The following NRF1 variants were observed in gnomAD, a reference collection of about 807,000 sequenced individuals.
The protein encoded by NRF1 is nuclear respiratory factor 1, also known as alpha palindromic-binding protein.
In NRF1, 5 loss-of-function variants were observed where a neutral mutation model predicts 58.5. The observed-to-expected ratio is 0.09, with a 90% confidence interval of 0.04 to 0.18. The LOEUF (loss-of-function observed/expected upper bound fraction) is 0.18, where lower values mean the gene tolerates loss of function less well. Among genes scored for constraint, NRF1 ranks in the 10% least tolerant of loss-of-function variants. The pLI is 1.00. For synonymous variants in NRF1, 224 were observed against 246.7 expected (o/e 0.91, Z 0.86); for missense variants, 288 against 657.7 (o/e 0.44, Z 6.15).
chr7:129,650,834 A>G (rs1801517608), intron 1 of NRF1, among the ~76,000 whole-genome samples: 1 of 152,112 alleles, frequency 6.6e-6, no homozygotes, highest in African/African-American at 2.4e-5. Context: ...TATAAAATAG[A>G]GAATATTTAA....
chr7:129,732,046 C>T (rs1455037171), intron 10 of NRF1, among the ~76,000 whole-genome samples: 4 of 152,202 alleles, frequency 2.6e-5, no homozygotes, highest in African/African-American at 9.6e-5. Flanking sequence ...CCAGAACCCC[C>T]TGTGTTCCAG....
intron 10 of NRF1, among the ~76,000 whole-genome samples, chr7:129,745,397 T>C (rs1803950636): frequency 6.6e-6 from 1 of 151,886 alleles, no homozygotes; most frequent in Non-Finnish European, 1.5e-5. Flanking sequence ...CCGCCCGAGC[T>C]CCACCTACTG....
chr7:129,657,219 C>A, intron 1 of NRF1, 127 bp from the exon 2 acceptor site: 1 of 657,088 alleles, frequency 1.5e-6, no homozygotes, highest in African/African-American at 1.8e-5. Flanking sequence ...CTTGGTGTGG[C>A]ACGGTAAGTA....
intron 3 of NRF1, among the ~76,000 whole-genome samples, chr7:129,673,567 A>C (rs1367275229): frequency 6.6e-6 from 1 of 151,828 alleles, no homozygotes; most frequent in Non-Finnish European, 1.5e-5. Context: ...AATACAAAAA[A>C]TTAGCCGGGC....
At chr7:129,679,573 C>T (rs1157561038) in intron 4 of NRF1, among the ~76,000 whole-genome samples, 2 of 143,006 alleles carry the variant, frequency 1.4e-5, no homozygotes, top group East Asian at 4.2e-4. Context: ...TACAAAAAAA[C>T]TTAGCCGGGC....
chr7:129,755,211 A>C lies in NRF1; in HGVS notation c.*30A>C, dbSNP rs367693210. ...CAGCCATATTATGGCATCGTTTTCT[A>C]GTCTACTTCAAAATTTTTTACACGT... On this transcript the variant is annotated 3_prime_UTR_variant, in exon 11 of 11. Coordinates refer to ENST00000393232, the MANE Select transcript of NRF1 (RefSeq NM_005011.5). The surrounding 1 kb of genome is among the most constrained non-coding windows in gnomAD (Gnocchi z 5.8). 1.4e-5 allele frequency: 22 copies of C among 1,523,466 alleles called. No homozygotes were observed. The highest frequency in any genetic ancestry group is 1.9e-5 in the Non-Finnish European group (22 of 1,132,888). 94.4% of individuals were successfully genotyped at this position (1,523,466 alleles called of 1,614,324 possible).
At chr7:129,616,464 G>T (rs556723314) in intron 1 of NRF1, among the ~76,000 whole-genome samples, 2 of 152,314 alleles carry the variant, frequency 1.3e-5, no homozygotes, top group Admixed American at 6.5e-5. Context: ...GCTGGGTATG[G>T]TGGCATATGC....
At chr7:129,625,713 G>C (rs935454331) in intron 1 of NRF1, among the ~76,000 whole-genome samples, 2 of 117,110 alleles carry the variant, frequency 1.7e-5, no homozygotes, top group Non-Finnish European at 3.2e-5. Flanking sequence ...ACGGAGTCTC[G>C]CTCTGTTGCC....
intron 1 of NRF1, among the ~76,000 whole-genome samples, chr7:129,640,544 G>A (rs1232544534): frequency 6.6e-6 from 1 of 152,018 alleles, no homozygotes; most frequent in East Asian, 1.9e-4. Flanking sequence ...CGTACCCCCA[G>A]TAAAACCCAA....
At chr7:129,669,085 C>T (rs2151082156) in intron 2 of NRF1, among the ~76,000 whole-genome samples, 1 of 152,190 alleles carries the variant, frequency 6.6e-6, no homozygotes, top group East Asian at 1.9e-4. Flanking sequence ...GTAGCTGGGA[C>T]TACAGAGGTG....
intron 10 of NRF1, among the ~76,000 whole-genome samples, chr7:129,740,874 T>C (rs961231253): frequency 1.3e-5 from 2 of 152,188 alleles, no homozygotes; most frequent in African/African-American, 4.8e-5. Flanking sequence ...AGATCAAAAG[T>C]AGACACAGAG....
intron 8 of NRF1, 78 bp from the exon 9 acceptor site, chr7:129,717,141 G>T: frequency 7.0e-7 from 1 of 1,422,268 alleles, no homozygotes; most frequent in Non-Finnish European, 9.5e-7. Context: ...CCAAAAAGTA[G>T]CAATTATTAG....
At chr7:129,668,254 C>T (rs1801966376) in intron 2 of NRF1, among the ~76,000 whole-genome samples, 1 of 152,104 alleles carries the variant, frequency 6.6e-6, no homozygotes. Context: ...TTTGATTTGT[C>T]TATCCCTGAG....
At chr7:129,676,230 G>A (rs1327057736) in intron 3 of NRF1, among the ~76,000 whole-genome samples, 1 of 152,186 alleles carries the variant, frequency 6.6e-6, no homozygotes, top group Non-Finnish European at 1.5e-5. Context: ...TCATTTGTGT[G>A]TTCATTGGAG....
intron 1 of NRF1, among the ~76,000 whole-genome samples, chr7:129,651,372 A>T (rs1247797978): frequency 6.6e-6 from 1 of 150,482 alleles, no homozygotes; most frequent in African/African-American, 2.4e-5. Flanking sequence ...GTGAGCCAAG[A>T]TCACACCACT....
At chr7:129,677,149 TAC>T (rs1390050856) in intron 3 of NRF1, among the ~76,000 whole-genome samples, 2 of 152,010 alleles carry the variant, frequency 1.3e-5, no homozygotes, top group East Asian at 3.9e-4. Flanking sequence ...AATCTAGGAT[TAC>T]AGGCGTGTGC....
rs1328865678 is a variant in NRF1 at position 129,751,247 on chromosome 7, G to A, written c.1349-3771G>A. 2.6e-5 allele frequency among the ~76,000 whole-genome samples: 4 copies of A among 152,330 alleles called. No homozygotes were observed. The East Asian group carries it at 5.8e-4, about 22-fold the overall frequency. On this transcript the variant is annotated intron_variant, in intron 10 of 10. Transcript: ENST00000393232. ...TGAGTGGGGATTAGTGGATCACCAG[G>A]CTTAACTGAACAACAGTGGCCGACG...
rs1241641841 is a variant in NRF1 at position 129,683,318 on chromosome 7, TGTGAGA to T, written c.465+5562_465+5567del. 5.1e-4 allele frequency among the ~76,000 whole-genome samples: 72 copies of T among 140,612 alleles called. No individual in the cohort carries two copies. The South Asian group carries it at 5.1e-3, about 10-fold the overall frequency. The allele number at this position is 140,612 out of a possible 152,430, so 92.2% of individuals were successfully genotyped here. A position where few individuals can be genotyped will look rare whatever the true frequency, so the allele number is the denominator to read the frequency against. On this transcript the variant is annotated intron_variant, in intron 4 of 10. Coordinates refer to ENST00000393232, the MANE Select transcript of NRF1 (RefSeq NM_005011.5). ...GTGTGTGTGTGTGTGTGTGTGTGTG[TGTGAGA>T]GAGAGAGAGAGAGAGAGAGAGAAAG...
intron 1 of NRF1, among the ~76,000 whole-genome samples, chr7:129,635,565 C>T (rs1225557207): frequency 1.3e-5 from 2 of 152,148 alleles, no homozygotes; most frequent in Non-Finnish European, 2.9e-5. Context: ...AGGACTGTAT[C>T]CAATCTTATC....
Sources: gnomAD v4.1 joint callset for allele counts (sites outside exome capture counted in the v4.1 genomes callset) on GRCh38, gnomAD v4.1.1 for gene constraint, Gnocchi (gnomAD v3.1) non-coding constraint, MANE v1.5 for transcripts, NCBI Gene and HGNC (gene_info 2026-07-23, HGNC 2026-07-21) for gene names.